The following MPHOSPH8 variants were observed in gnomAD, a reference collection of about 807,000 sequenced individuals.
The protein encoded by MPHOSPH8 is M-phase phosphoprotein 8.
In MPHOSPH8, 45 loss-of-function variants were observed where a neutral mutation model predicts 87.3. That is an observed-to-expected ratio of 0.52 (90% CI 0.41 to 0.66). MPHOSPH8 has a LOEUF of 0.66. MPHOSPH8 is among the 30% of genes least tolerant of loss of function. The pLI is 0.00. For missense variants in MPHOSPH8, 883 were observed against 1,020.2 expected, an observed-to-expected ratio of 0.87 and a Z score of 1.83; for synonymous variants, 366 against 376.9, an observed-to-expected ratio of 0.97 and a Z score of 0.33.
intron 13 of MPHOSPH8, 120 bp from the exon 14 acceptor site, chr13:19,671,714 T>C: frequency 1.2e-6 from 1 of 831,314 alleles, no homozygotes; most frequent in East Asian, 2.4e-5. Context: ...TGTAAATTGA[T>C]AAGCAACTTG....
intron 5 of MPHOSPH8, among the ~76,000 whole-genome samples, chr13:19,652,126 C>T (rs559242302): frequency 6.6e-6 from 1 of 152,152 alleles, no homozygotes; most frequent in East Asian, 1.9e-4. Flanking sequence ...ACATGAAATA[C>T]GGGATTGCTG....
intron 2 of MPHOSPH8, among the ~76,000 whole-genome samples, 192 bp from the exon 3 acceptor site, chr13:19,646,251 C>G (rs1874556760): frequency 6.6e-6 from 1 of 152,118 alleles, no homozygotes; most frequent in Non-Finnish European, 1.5e-5. Flanking sequence ...CACACTTGCC[C>G]TCACCGCCAA....
chr13:19,647,243 G>T lies in MPHOSPH8; in HGVS notation c.1170G>T (p.Arg390Ser), dbSNP rs374601795. 1 of 1,612,728 alleles carries T rather than the reference G, an allele frequency of 6.2e-7. No individual in the cohort carries two copies. The highest frequency in any genetic ancestry group is 1.7e-5 in the Admixed American group (1 of 59,584). The change falls in exon 3 of 14, where the codon AGG becomes AGT. Residue 390 changes from arginine to serine, a missense_variant. By Grantham distance (110) the Arg-to-Ser change is moderately radical (BLOSUM62 -1). Around this residue, in one of 3 missense-constraint regions of MPHOSPH8, gnomAD observed 741 missense variants for 841.5 expected, o/e 0.88. Coordinates refer to ENST00000361479, the MANE Select transcript of MPHOSPH8 (RefSeq NM_017520.4). ...CTGCCCAAACGCCAAAGGGCCGGAG[G>T]TTGAGCGGGGAAGAGAGAGGCCTCT... is the stretch of plus-strand genomic sequence containing the variant. ...PVSAQTPKGRRLSGEERGLWS... is the reference protein window; with the variant it reads ...PVSAQTPKGRSLSGEERGLWS...
At position 19,633,752 on chromosome 13, in the gene MPHOSPH8, G is replaced by A. The variant is rs1409710553; in HGVS notation, c.4G>A (p.Glu2Lys). The A allele has an allele frequency of 1.3e-6, 2 of 1,592,634 alleles. No individual in the cohort carries two copies. The highest frequency in any genetic ancestry group is 1.7e-6 in the Non-Finnish European group (2 of 1,170,318). Residue 2 changes from glutamate (E) to lysine (K), a missense_variant, in exon 1 of 14, where the codon GAG (glutamate) becomes AAG (lysine). Around this residue, in one of 3 missense-constraint regions of MPHOSPH8, gnomAD observed 103 missense variants for 96.3 expected, o/e 1.07. Coordinates refer to ENST00000361479, the MANE Select transcript of MPHOSPH8 (RefSeq NM_017520.4). ...GGCGGTTTGCGGAGCTGCTAGGATG[G>A]AGCAGGTTGCGGAGGGAGCAAGGGT... MEQVAEGARVTA... is the reference protein window; with the variant it reads MKQVAEGARVTA...
In MPHOSPH8 at chr13:19,670,429, T is replaced by C. The variant is rs541579203; in HGVS notation, c.2457+66T>C. ...CTAATCAAAAGCACAGATGACTTAATTTTAAATTCCTGTGTCTTAATAAAA... is the reference window on the plus strand; with the variant it reads ...CTAATCAAAAGCACAGATGACTTAACTTTAAATTCCTGTGTCTTAATAAAA... On this transcript the variant is annotated intron_variant, in intron 12 of 13. Coordinates refer to ENST00000361479, the MANE Select transcript of MPHOSPH8 (RefSeq NM_017520.4). 3.6e-5 allele frequency: 55 copies of C among 1,525,316 alleles called. No homozygotes were observed. The South Asian group carries it at 6.6e-4, about 18-fold the overall frequency. 94.5% of individuals were successfully genotyped at this position (1,525,316 alleles called of 1,614,324 possible). A position where few individuals can be genotyped will look rare whatever the true frequency, so the allele number is the denominator to read the frequency against.
At chr13:19,652,180 C>T (rs7999262) in intron 5 of MPHOSPH8, among the ~76,000 whole-genome samples, 1,714 of 152,296 alleles carry the variant, frequency 0.011, 32 homozygotes, top group African/African-American at 0.038. Flanking sequence ...CAATTCTCAG[C>T]GAGATTGACA....
intron 3 of MPHOSPH8, 68 bp downstream of exon 3, chr13:19,647,359 G>A (rs1874624705): frequency 1.5e-6 from 2 of 1,366,978 alleles, no homozygotes; most frequent in Non-Finnish European, 2.0e-6. Context: ...GCAAGGAAAG[G>A]GAAACAGTCA....
chr13:19,661,601 A>T, intron 7 of MPHOSPH8, 97 bp from the exon 8 acceptor site: 2 of 1,312,880 alleles, frequency 1.5e-6, no homozygotes, highest in Non-Finnish European at 2.1e-6. Context: ...AGTGCCTATT[A>T]GTGATTTCAC....
chr13:19,652,570 C>A (rs1282765706), intron 5 of MPHOSPH8, among the ~76,000 whole-genome samples: 5 of 152,162 alleles, frequency 3.3e-5, no homozygotes, highest in African/African-American at 1.2e-4. Context: ...CCTGGAACGC[C>A]AGCGAGACAA....
chr13:19,643,047 G>A (rs1024215665), intron 2 of MPHOSPH8, among the ~76,000 whole-genome samples: 15 of 152,142 alleles, frequency 9.9e-5, no homozygotes, highest in African/African-American at 2.9e-4. Context: ...GTGATGTTAC[G>A]TGACACTAAT....
intron 1 of MPHOSPH8, among the ~76,000 whole-genome samples, chr13:19,638,505 C>T (rs561726909): frequency 2.0e-5 from 3 of 150,222 alleles, no homozygotes; most frequent in East Asian, 2.0e-4. Flanking sequence ...CTCAGCTACT[C>T]GGGAGGCTGA....
rs775240817 is a variant in MPHOSPH8, at chr13:19,642,153, A to G, written c.252A>G (p.Thr84=). Residue 84 remains threonine, a synonymous_variant, in exon 2 of 14, where the codon ACA becomes ACG. Coordinates refer to ENST00000361479, the MANE Select transcript of MPHOSPH8 (RefSeq NM_017520.4). ...ACAAAGTTCGCTGGAAAGGCTATAC[A>G]TCGGATGATGATACCTGGGAGCCCG... is the stretch of plus-strand genomic sequence containing the variant. The part of the protein sequence containing the change: ...VLYKVRWKGY[T]SDDDTWEPEI... The G allele has an allele frequency of 6.2e-6, 10 of 1,610,278 alleles. No homozygotes were observed. Among genetic ancestry groups the G allele is most frequent in the East Asian group, 2.2e-5 (1 of 44,622 alleles).
rs1334055491 is a variant in MPHOSPH8 at position 19,659,805 on chromosome 13, T to C, written c.1791+516T>C. 3 of 258,118 alleles carry C rather than the reference T, an allele frequency of 1.2e-5. No individual in the cohort carries two copies. In the East Asian group the frequency reaches 3.0e-4, roughly 26 times the overall value. The allele number at this position is 258,118 out of a possible 1,614,324, so 16.0% of individuals were successfully genotyped here. A position where few individuals can be genotyped will look rare whatever the true frequency, so the allele number is the denominator to read the frequency against. ...TTGGTTTGGTTATGGTCTACCTGTT[T>C]TGTATGTGGTTTACCCTCTGCCACT... On this transcript the variant is annotated intron_variant, in intron 7 of 13. Coordinates refer to ENST00000361479, the MANE Select transcript of MPHOSPH8 (RefSeq NM_017520.4).
At chr13:19,668,750 C>T (rs1875958894) in intron 11 of MPHOSPH8, among the ~76,000 whole-genome samples, 1 of 152,138 alleles carries the variant, frequency 6.6e-6, no homozygotes, top group Non-Finnish European at 1.5e-5. Flanking sequence ...GAAGTTAGGT[C>T]TTAATAATCA....
chr13:19,659,371 T>A, intron 7 of MPHOSPH8, 82 bp downstream of exon 7: 1 of 1,198,768 alleles, frequency 8.3e-7, no homozygotes, highest in Non-Finnish European at 1.2e-6. Context: ...TCATTTATTT[T>A]AATTACAAAA....
chr13:19,664,355 G>A (rs938657234), intron 9 of MPHOSPH8, among the ~76,000 whole-genome samples: 3 of 152,190 alleles, frequency 2.0e-5, no homozygotes, highest in Admixed American at 1.3e-4. Flanking sequence ...AGATGACCAG[G>A]TGTACCCTGA....
At chr13:19,649,908 A>G (rs112304531) in intron 4 of MPHOSPH8, 95 bp from the exon 5 acceptor site, 14 of 1,111,872 alleles carry the variant, frequency 1.3e-5, no homozygotes, top group African/African-American at 1.1e-4. Context: ...AATTAAGAAA[A>G]TATCTTGTTG....
chr13:19,646,508 A>C lies in MPHOSPH8; in HGVS notation c.435A>C (p.Lys145Asn). Residue 145 changes from lysine to asparagine, a missense_variant, in exon 3 of 14, where the codon AAA becomes AAC. Lys to Asn is a moderately conservative substitution (Grantham distance 94). Transcript: ENST00000361479. Reference sequence around the variant, plus strand: ...ATAGCGATCAGCAAAGTGAGACAAAAGAAGATACTTCCCCAAAGAAGAAAA... The same window carrying C: ...ATAGCGATCAGCAAAGTGAGACAAACGAAGATACTTCCCCAAAGAAGAAAA... ...NSDSDQQSET[K>N]EDTSPKKKKK... 1.3e-6 allele frequency: 2 copies of C among 1,570,238 alleles called. No individual in the cohort carries two copies. Among genetic ancestry groups the C allele is most frequent in the Non-Finnish European group, 1.7e-6 (2 of 1,169,020 alleles).
At chr13:19,651,710 T>C (rs1308541939) in intron 5 of MPHOSPH8, among the ~76,000 whole-genome samples, 17 of 151,760 alleles carry the variant, frequency 1.1e-4, no homozygotes, top group Non-Finnish European at 5.9e-5. Context: ...ATCTCTAAAA[T>C]TGAAAAAGAG....
Sources: allele counts gnomAD v4.1 joint callset (sites outside exome capture counted in the v4.1 genomes callset), GRCh38; gene constraint gnomAD v4.1.1; regional missense constraint gnomAD v4.1.1; transcripts MANE v1.5; gene names NCBI Gene and HGNC (gene_info 2026-07-23, HGNC 2026-07-21).